Variants in CNTNAP5 observed in about 807,000 individuals in gnomAD.
CNTNAP5 encodes the protein contactin associated protein family member 5, also known as contactin-associated protein-like 5.
CNTNAP5 carries 72 observed loss-of-function variants against 150.2 expected under a neutral mutation model. The ratio of observed to expected loss-of-function variants is 0.48; its 90% confidence interval spans 0.40 to 0.58. The LOEUF is 0.58. CNTNAP5 is among the 20% of genes least tolerant of loss of function. The pLI, the probability that CNTNAP5 is intolerant of heterozygous loss-of-function variation, is 0.00. For missense variants in CNTNAP5, 1,636 were observed against 1,626.2 expected, an observed-to-expected ratio of 1.01 and a Z score of -0.10; for synonymous variants, 672 against 619.8, an observed-to-expected ratio of 1.08 and a Z score of -1.25.
At chr2:124,786,667 C>A (rs1385419742) in intron 17 of CNTNAP5, among the ~76,000 whole-genome samples, 1 of 151,964 alleles carries the variant, frequency 6.6e-6, no homozygotes, top group Non-Finnish European at 1.5e-5. Flanking sequence ...AAACAGATTT[C>A]TGGGAGAGGG....
intron 3 of CNTNAP5, among the ~76,000 whole-genome samples, chr2:124,328,692 T>G (rs1689278008): frequency 6.6e-6 from 1 of 152,148 alleles, no homozygotes; most frequent in South Asian, 2.1e-4. Context: ...TCTGAACAGT[T>G]CTAATAGGAT....
intron 21 of CNTNAP5, among the ~76,000 whole-genome samples, chr2:124,891,920 G>A (rs1165904884): frequency 6.6e-6 from 1 of 152,070 alleles, no homozygotes; most frequent in East Asian, 1.9e-4. Context: ...TTTCCAATTG[G>A]CCCGGCTTCA....
chr2:124,531,280 A>G (rs1403881931), intron 10 of CNTNAP5, among the ~76,000 whole-genome samples: 2 of 152,018 alleles, frequency 1.3e-5, no homozygotes, highest in Non-Finnish European at 2.9e-5. Flanking sequence ...CAGTAATGTG[A>G]GTGACGAGGA....
At chr2:124,092,602 A>C (rs1682840729) in intron 1 of CNTNAP5, among the ~76,000 whole-genome samples, 1 of 152,220 alleles carries the variant, frequency 6.6e-6, no homozygotes, top group Non-Finnish European at 1.5e-5. Flanking sequence ...GCTAGACCTC[A>C]AGTTTCCTCA....
intron 3 of CNTNAP5, among the ~76,000 whole-genome samples, chr2:124,414,625 C>G (rs928410596): frequency 3.3e-5 from 5 of 152,094 alleles, no homozygotes; most frequent in Non-Finnish European, 5.9e-5. Context: ...ACGGGATTAA[C>G]TCCTATAAAG....
intron 1 of CNTNAP5, among the ~76,000 whole-genome samples, chr2:124,146,626 G>T (rs921434894): frequency 1.3e-5 from 2 of 151,928 alleles, no homozygotes; most frequent in African/African-American, 4.8e-5. Flanking sequence ...TACTTCCAAA[G>T]AATATTTAAC....
chr2:124,661,967 C>T (rs1469919875), intron 13 of CNTNAP5, among the ~76,000 whole-genome samples: 4 of 152,088 alleles, frequency 2.6e-5, no homozygotes, highest in Admixed American at 6.6e-5. Flanking sequence ...CCATCATCTA[C>T]ATTAGGTATT....
intron 6 of CNTNAP5, among the ~76,000 whole-genome samples, chr2:124,469,631 G>T (rs1693456406): frequency 6.6e-6 from 1 of 151,882 alleles, no homozygotes; most frequent in South Asian, 2.1e-4. Context: ...TTGTCACATA[G>T]GTAAACATGT....
chr2:124,148,887 T>C (rs188207511), intron 1 of CNTNAP5, among the ~76,000 whole-genome samples: 156 of 151,914 alleles, frequency 1.0e-3, no homozygotes, highest in African/African-American at 3.5e-3. Context: ...CACACACACA[T>C]ATATGTATGT....
intron 21 of CNTNAP5, among the ~76,000 whole-genome samples, chr2:124,889,211 T>A (rs1046646763): frequency 6.6e-6 from 1 of 151,340 alleles, no homozygotes; most frequent in African/African-American, 2.4e-5. Context: ...GTGATTCTGC[T>A]GTTTCAGCCT....
At chr2:124,509,907 TTC>T (rs1694517933) in intron 8 of CNTNAP5, among the ~76,000 whole-genome samples, 1 of 152,152 alleles carries the variant, frequency 6.6e-6, no homozygotes, top group South Asian at 2.1e-4. Flanking sequence ...CTTTATAAAC[TTC>T]TGTGTACTTT....
At chr2:124,625,733 G>A (rs1307034548) in intron 12 of CNTNAP5, among the ~76,000 whole-genome samples, 1 of 152,128 alleles carries the variant, frequency 6.6e-6, no homozygotes, top group Non-Finnish European at 1.5e-5. Flanking sequence ...TTGGCATCAG[G>A]GGATTGGGAG....
chr2:124,632,953 A>T (rs1055804447), intron 12 of CNTNAP5, among the ~76,000 whole-genome samples: 17 of 152,112 alleles, frequency 1.1e-4, no homozygotes, highest in African/African-American at 3.9e-4. Flanking sequence ...ATGAGATCTC[A>T]TGAGAACTCT....
intron 3 of CNTNAP5, among the ~76,000 whole-genome samples, chr2:124,401,284 C>T (rs1291359901): frequency 6.6e-6 from 1 of 152,206 alleles, no homozygotes; most frequent in African/African-American, 2.4e-5. Context: ...ACTTAACAAA[C>T]ATTTATCTTT....
Position 124,623,916 on chromosome 2 carries a change from C to T in CNTNAP5, c.1876+13996C>T, listed in dbSNP as rs1264786431. On this transcript the variant is annotated intron_variant, in intron 12 of 23. Coordinates refer to ENST00000682447, the MANE Select transcript of CNTNAP5 (RefSeq NM_001367498.1). ...GACAATTTGCTTTCTGTAAATGAAG[C>T]TTTTCCAGAGGACTATTTTAGGCTG... Among the ~76,000 whole-genome samples the T allele has an allele frequency of 3.9e-5, 6 of 152,204 alleles. No individual in the cohort carries two copies. In the East Asian group the frequency reaches 9.6e-4, roughly 24 times the overall value.
intron 7 of CNTNAP5, among the ~76,000 whole-genome samples, chr2:124,487,858 G>A (rs1052011953): frequency 6.6e-5 from 10 of 151,938 alleles, no homozygotes; most frequent in Admixed American, 2.0e-4. Context: ...GACAATCCAC[G>A]ACATTTGGGT....
At chr2:124,598,775 G>C (rs956550735) in intron 11 of CNTNAP5, among the ~76,000 whole-genome samples, 1 of 152,158 alleles carries the variant, frequency 6.6e-6, no homozygotes, top group East Asian at 1.9e-4. Flanking sequence ...ATCTCAGACT[G>C]CTGTCCTAGC....
chr2:124,458,091 A>G (rs1445934490), intron 6 of CNTNAP5, among the ~76,000 whole-genome samples: 1 of 151,634 alleles, frequency 6.6e-6, no homozygotes, highest in East Asian at 1.9e-4. Context: ...AGAAGTCATT[A>G]TATGAAAAAG....
intron 3 of CNTNAP5, among the ~76,000 whole-genome samples, chr2:124,336,227 G>T (rs1258576714): frequency 3.3e-5 from 5 of 151,888 alleles, no homozygotes. Flanking sequence ...AACAAAGGTT[G>T]CCATATTATA....
Sources: allele counts gnomAD v4.1 joint callset (sites outside exome capture counted in the v4.1 genomes callset), GRCh38; gene constraint gnomAD v4.1.1; transcripts MANE v1.5; gene names NCBI Gene and HGNC (gene_info 2026-07-23, HGNC 2026-07-21).